Variants in LIMA1 observed in about 807,000 individuals in gnomAD.
LIMA1 encodes the protein LIM domain and actin binding 1.
A neutral mutation model predicts 62.6 loss-of-function variants in LIMA1; 52 were observed. The ratio of observed to expected loss-of-function variants is 0.83; its 90% confidence interval spans 0.67 to 1.05. LIMA1 has a LOEUF of 1.05. LIMA1 is among the 50% of genes least tolerant of loss of function. The probability of loss-of-function intolerance (pLI) is 0.00; values close to 1 mark genes in which losing one functional copy is unlikely to be tolerated. For synonymous variants in LIMA1, 302 were observed against 317.8 expected (o/e 0.95, Z 0.53); for missense variants, 780 against 902.2 (o/e 0.86, Z 1.74).
At chr12:50,224,076 G>A (rs200585123) in intron 3 of LIMA1, among the ~76,000 whole-genome samples, 7 of 151,416 alleles carry the variant, frequency 4.6e-5, no homozygotes, top group African/African-American at 1.2e-4. Context: ...TAAATGTCCC[G>A]TACTTTGAAA....
At chr12:50,276,409 G>C (rs1013278196) in intron 1 of LIMA1, among the ~76,000 whole-genome samples, 2 of 151,948 alleles carry the variant, frequency 1.3e-5, no homozygotes, top group African/African-American at 4.8e-5. Flanking sequence ...GATATACAAA[G>C]GCATTAAACA....
chr12:50,254,684 G>A (rs994156582), intron 1 of LIMA1, among the ~76,000 whole-genome samples: 4 of 152,112 alleles, frequency 2.6e-5, no homozygotes, highest in East Asian at 3.8e-4. Context: ...CGGTGAGGCC[G>A]GTAACTGCTC....
chr12:50,237,917 T>C (rs1311889229), intron 2 of LIMA1, among the ~76,000 whole-genome samples: 1 of 152,194 alleles, frequency 6.6e-6, no homozygotes, highest in Non-Finnish European at 1.5e-5. Context: ...GACTACCATA[T>C]ACAAAAATTA....
intron 2 of LIMA1, among the ~76,000 whole-genome samples, chr12:50,233,127 TC>T (rs1941638479): frequency 6.6e-6 from 1 of 152,090 alleles, no homozygotes. Flanking sequence ...AACAACAAGA[TC>T]CCCGTGGATA....
At chr12:50,231,219 A>G (rs1237387587) in intron 3 of LIMA1, among the ~76,000 whole-genome samples, 2 of 152,206 alleles carry the variant, frequency 1.3e-5, no homozygotes, top group Non-Finnish European at 2.9e-5. Flanking sequence ...TCCTGCAGCT[A>G]GGAAACTTGC....
intron 1 of LIMA1, among the ~76,000 whole-genome samples, chr12:50,254,952 C>A (rs1176870709): frequency 6.6e-6 from 1 of 151,140 alleles, no homozygotes; most frequent in African/African-American, 2.4e-5. Flanking sequence ...TCCAGCTACT[C>A]GGGAGGGTGA....
At chr12:50,187,755 A>C (rs1052264215) in intron 9 of LIMA1, 2 of 152,182 alleles carry the variant, frequency 1.3e-5, no homozygotes, top group African/African-American at 4.8e-5. Flanking sequence ...GTTCTCTCTC[A>C]ACATTCATCA....
rs199825261 is a variant in LIMA1 at position 50,177,627 on chromosome 12, G to A, written c.1717C>T (p.Leu573=). ...SKPEVPEDVD[L]DLKKLRRSSS... ...GATCGTCTTAGCTTCTTCAGATCTAGATCGACATCCTCAGGAACTTCGGGC... is the reference window on the plus strand; with the variant it reads ...GATCGTCTTAGCTTCTTCAGATCTAAATCGACATCCTCAGGAACTTCGGGC... Residue 573 remains leucine, a synonymous_variant, in exon 11 of 11, where the codon CTA becomes TTA. Transcript: ENST00000341247. The A allele has an allele frequency of 6.2e-7, 1 of 1,609,790 alleles. No homozygotes were observed. The highest frequency in any genetic ancestry group is 2.2e-5 in the East Asian group (1 of 44,816).
chr12:50,235,230 A>T (rs1941674290), intron 2 of LIMA1, among the ~76,000 whole-genome samples: 1 of 151,220 alleles, frequency 6.6e-6, no homozygotes, highest in East Asian at 1.9e-4. Context: ...CACCATGCCC[A>T]GCCAAGAAAG....
chr12:50,267,201 C>G (rs1942149237), intron 1 of LIMA1, among the ~76,000 whole-genome samples: 1 of 151,878 alleles, frequency 6.6e-6, no homozygotes, highest in African/African-American at 2.4e-5. Flanking sequence ...TCCCAAGTAG[C>G]TGGGACTACA....
At chr12:50,232,514 T>A (rs941472245) in intron 2 of LIMA1, among the ~76,000 whole-genome samples, 3 of 151,926 alleles carry the variant, frequency 2.0e-5, no homozygotes, top group Non-Finnish European at 4.4e-5. Flanking sequence ...GGACCACAGA[T>A]GCACACCACC....
At chr12:50,180,985 G>A (rs893499078) in intron 10 of LIMA1, among the ~76,000 whole-genome samples, 4 of 151,566 alleles carry the variant, frequency 2.6e-5, no homozygotes, top group African/African-American at 4.9e-5. Flanking sequence ...GGTGGCGGGC[G>A]CCTGTAGTCC....
chr12:50,193,559 T>C (rs899232633), intron 8 of LIMA1, among the ~76,000 whole-genome samples: 21 of 128,492 alleles, frequency 1.6e-4, no homozygotes, highest in Non-Finnish European at 2.5e-4. Flanking sequence ...ATATATCATA[T>C]ATGTATATAT....
intron 8 of LIMA1, among the ~76,000 whole-genome samples, chr12:50,193,585 G>GTA (rs1233003754): frequency 2.8e-5 from 3 of 108,912 alleles, no homozygotes; most frequent in Non-Finnish European, 5.4e-5. Flanking sequence ...ATATATACAT[G>GTA]TATATATGAT....
chr12:50,209,987 T>C (rs1941225187), intron 4 of LIMA1, among the ~76,000 whole-genome samples: 1 of 152,224 alleles, frequency 6.6e-6, no homozygotes, highest in Non-Finnish European at 1.5e-5. Flanking sequence ...GTTTTCAACA[T>C]ACTTCTTATT....
chr12:50,211,709 T>G (rs1941260000), intron 4 of LIMA1, among the ~76,000 whole-genome samples: 1 of 152,048 alleles, frequency 6.6e-6, no homozygotes, highest in South Asian at 2.1e-4. Context: ...AGTTTTATGA[T>G]CCACATTTTC....
At chr12:50,233,115 A>G (rs1356658031) in intron 2 of LIMA1, among the ~76,000 whole-genome samples, 1 of 152,242 alleles carries the variant, frequency 6.6e-6, no homozygotes, top group African/African-American at 2.4e-5. Context: ...CTGCTCTGAT[A>G]TAACAACAAG....
chr12:50,272,075 C>G (rs1942218285), intron 1 of LIMA1, among the ~76,000 whole-genome samples: 1 of 152,136 alleles, frequency 6.6e-6, no homozygotes, highest in Non-Finnish European at 1.5e-5. Context: ...CAAGTTTTCT[C>G]CAAATACAGG....
At chr12:50,244,279 T>A (rs1174823295) in intron 2 of LIMA1, among the ~76,000 whole-genome samples, 2 of 151,896 alleles carry the variant, frequency 1.3e-5, no homozygotes, top group Non-Finnish European at 2.9e-5. Context: ...AATTTTTGTA[T>A]TTTTTAGTAG....
Sources: allele counts gnomAD v4.1 joint callset (sites outside exome capture counted in the v4.1 genomes callset), GRCh38; gene constraint gnomAD v4.1.1; transcripts MANE v1.5; gene names NCBI Gene and HGNC (gene_info 2026-07-23, HGNC 2026-07-21).